The following TRIM44 variants were observed in gnomAD, a reference collection of about 807,000 sequenced individuals.
The protein encoded by TRIM44 is tripartite motif containing 44, also known as tripartite motif-containing protein 44.
A neutral mutation model predicts 37.4 loss-of-function variants in TRIM44; 13 were observed. The observed-to-expected ratio is 0.35, with a 90% confidence interval of 0.23 to 0.55. TRIM44 has a LOEUF of 0.55. Ranked by LOEUF, TRIM44 falls within the 20% of genes least tolerant of loss-of-function variation. The pLI is 0.89. For missense variants in TRIM44, 426 were observed against 437.2 expected (o/e 0.97, Z 0.23); for synonymous variants, 175 against 157.2 (o/e 1.11, Z -0.85).
At chr11:35,774,130 C>T (rs1309877096) in intron 4 of TRIM44, among the ~76,000 whole-genome samples, 1 of 152,152 alleles carries the variant, frequency 6.6e-6, no homozygotes, top group African/African-American at 2.4e-5. Flanking sequence ...CTCTCCAGCA[C>T]GTGTTGTTTC....
At chr11:35,682,992 G>T (rs575443076) in intron 1 of TRIM44, among the ~76,000 whole-genome samples, 1 of 152,254 alleles carries the variant, frequency 6.6e-6, no homozygotes, top group South Asian at 2.1e-4. Flanking sequence ...GCTGGGATGT[G>T]GGGGAAGAGA....
chr11:35,733,160 C>T (rs1168140305), intron 3 of TRIM44, among the ~76,000 whole-genome samples: 4 of 152,048 alleles, frequency 2.6e-5, no homozygotes, highest in African/African-American at 9.7e-5. Flanking sequence ...TCTTTATGTG[C>T]AGATGGAGAA....
chr11:35,773,578 C>T (rs1265514233), intron 4 of TRIM44, among the ~76,000 whole-genome samples: 1 of 152,068 alleles, frequency 6.6e-6, no homozygotes, highest in Non-Finnish European at 1.5e-5. Context: ...CCCATTAACT[C>T]GTCATTTACA....
At chr11:35,755,981 A>T (rs1347629808) in intron 4 of TRIM44, among the ~76,000 whole-genome samples, 1 of 150,434 alleles carries the variant, frequency 6.6e-6, no homozygotes, top group African/African-American at 2.4e-5. Context: ...TTGACTTGGC[A>T]ATGTGGGCTC....
chr11:35,666,501 G>A (rs1279516812), intron 1 of TRIM44, among the ~76,000 whole-genome samples: 3 of 152,064 alleles, frequency 2.0e-5, no homozygotes, highest in Admixed American at 2.0e-4. Flanking sequence ...CATTAATTTA[G>A]GTCTTTTTTA....
At chr11:35,677,083 T>C (rs1436048655) in intron 1 of TRIM44, among the ~76,000 whole-genome samples, 1 of 152,242 alleles carries the variant, frequency 6.6e-6, no homozygotes, top group African/African-American at 2.4e-5. Flanking sequence ...AATTCCACAA[T>C]TAGCTATGTT....
In TRIM44 at chr11:35,739,795, G is replaced by A. The variant is rs1214688632; in HGVS notation, c.1007+4350G>A. Among the ~76,000 whole-genome samples, 2 of 152,092 alleles carry A rather than the reference G, an allele frequency of 1.3e-5. 1 individual carries two copies. The highest frequency in any genetic ancestry group is 3.9e-4 in the East Asian group (2 of 5,186). ...TCTTGGAGGGCATGGAGAAACAAAAGTCCTAATATGTAAAACATGTGTATT... is the reference window on the plus strand; with the variant it reads ...TCTTGGAGGGCATGGAGAAACAAAAATCCTAATATGTAAAACATGTGTATT... On this transcript the variant is annotated intron_variant, in intron 4 of 4. Transcript: ENST00000299413.
At chr11:35,679,396 A>G (rs1005365117) in intron 1 of TRIM44, among the ~76,000 whole-genome samples, 3 of 152,188 alleles carry the variant, frequency 2.0e-5, no homozygotes, top group Admixed American at 6.5e-5. Flanking sequence ...ATGGATCTGA[A>G]TGTATCAGGT....
At chr11:35,758,419 A>T (rs1251445704) in intron 4 of TRIM44, among the ~76,000 whole-genome samples, 2 of 152,150 alleles carry the variant, frequency 1.3e-5, no homozygotes, top group African/African-American at 4.8e-5. Flanking sequence ...GGTTTCCTGA[A>T]TACAGTACAC....
chr11:35,731,822 A>G (rs1852264369), intron 3 of TRIM44, among the ~76,000 whole-genome samples: 1 of 152,182 alleles, frequency 6.6e-6, no homozygotes, highest in African/African-American at 2.4e-5. Context: ...ATACATGCAT[A>G]TGATAACCAT....
chr11:35,707,591 C>T (rs1413208385), intron 2 of TRIM44, among the ~76,000 whole-genome samples: 2 of 147,844 alleles, frequency 1.4e-5, no homozygotes, highest in African/African-American at 4.9e-5. Context: ...CAGAAAAGAG[C>T]CCTCAGAAAT....
chr11:35,707,811 T>TAGA (rs1350732509), intron 2 of TRIM44, among the ~76,000 whole-genome samples: 12 of 136,438 alleles, frequency 8.8e-5, no homozygotes, highest in Non-Finnish European at 1.1e-4. Context: ...ATAAAAATCC[T>TAGA]AGAAAACCCA....
At position 35,811,416 on chromosome 11, in the gene TRIM44, A is replaced by T. The variant is rs551461959; in HGVS notation, c.*5031A>T. On this transcript the variant is annotated 3_prime_UTR_variant, in exon 5 of 5. Coordinates refer to ENST00000299413, the MANE Select transcript of TRIM44 (RefSeq NM_017583.6). ...GAACTAGAAGGAAGGTAAAATTGTA[A>T]TTTTTGCCATATTTTCTAGAAAAAA... is the stretch of plus-strand genomic sequence containing the variant. 1 of 151,528 alleles carries T rather than the reference A, an allele frequency of 6.6e-6. No individual in the cohort carries two copies. The highest frequency in any genetic ancestry group is 2.4e-5 in the African/African-American group (1 of 40,848). The allele number at this position is 151,528 out of a possible 1,614,324, so 9.4% of individuals were successfully genotyped here.
intron 4 of TRIM44, among the ~76,000 whole-genome samples, chr11:35,777,954 G>GCAAC (rs1339397205): frequency 2.0e-5 from 3 of 152,134 alleles, no homozygotes; most frequent in Non-Finnish European, 4.4e-5. Flanking sequence ...TGTTCTCAAG[G>GCAAC]AGTATCTTTG....
chr11:35,706,451 T>C (rs1415707399), intron 2 of TRIM44, among the ~76,000 whole-genome samples: 3 of 151,964 alleles, frequency 2.0e-5, no homozygotes, highest in South Asian at 2.1e-4. Flanking sequence ...CGGGCAGAGA[T>C]ACAACCAAAA....
intron 2 of TRIM44, among the ~76,000 whole-genome samples, chr11:35,690,048 T>G (rs1480073144): frequency 6.6e-6 from 1 of 152,204 alleles, no homozygotes. Flanking sequence ...ATCTTAAAAC[T>G]TGAGCCAAGT....
At chr11:35,772,436 C>T (rs1287065584) in intron 4 of TRIM44, among the ~76,000 whole-genome samples, 1 of 152,228 alleles carries the variant, frequency 6.6e-6, no homozygotes, top group Non-Finnish European at 1.5e-5. Context: ...GTCACAGACA[C>T]TCAATGGCAG....
chr11:35,778,127 C>G lies in TRIM44; in HGVS notation c.1008-28231C>G, dbSNP rs183429448. On this transcript the variant is annotated intron_variant, in intron 4 of 4. Transcript: ENST00000299413. ...GTAGATTTGGTCTTTTCACATAGTC[C>G]CATATTTCTTGGAGGCTTTGTTCGT... Among the ~76,000 whole-genome samples the G allele has an allele frequency of 2.0e-3, 306 of 152,204 alleles. 1 individual carries two copies. Among genetic ancestry groups the G allele is most frequent in the African/African-American group, 7.1e-3 (295 of 41,528 alleles).
chr11:35,674,103 A>G (rs866672059), intron 1 of TRIM44, among the ~76,000 whole-genome samples: 3 of 152,136 alleles, frequency 2.0e-5, no homozygotes, highest in Non-Finnish European at 4.4e-5. Flanking sequence ...GAGACGTATT[A>G]TAGACAATGG....
Sources: gnomAD v4.1 joint callset for allele counts (sites outside exome capture counted in the v4.1 genomes callset) on GRCh38, gnomAD v4.1.1 for gene constraint, MANE v1.5 for transcripts, NCBI Gene and HGNC (gene_info 2026-07-23, HGNC 2026-07-21) for gene names.